Variants in CTIF observed in about 807,000 individuals in gnomAD.
CTIF encodes the protein CBP80/20-dependent translation initiation factor.
Under a neutral mutation model 66.0 loss-of-function variants are expected in CTIF, and 21 were observed. That is an observed-to-expected ratio of 0.32 (90% confidence interval 0.23 to 0.46). The LOEUF is 0.46. Ranked by LOEUF, CTIF falls within the 20% of genes least tolerant of loss-of-function variation. The pLI is 1.00. For missense variants in CTIF, 739 were observed against 812.7 expected, an observed-to-expected ratio of 0.91 and a Z score of 1.10; for synonymous variants, 345 against 326.4, an observed-to-expected ratio of 1.06 and a Z score of -0.62.
At chr18:48,579,960 G>A (rs905275882) in intron 1 of CTIF, among the ~76,000 whole-genome samples, 2 of 152,196 alleles carry the variant, frequency 1.3e-5, no homozygotes, top group Non-Finnish European at 2.9e-5. Context: ...ATTAAATGAA[G>A]GAACTACGAT....
chr18:48,758,835 C>A (rs1447955250), intron 8 of CTIF, among the ~76,000 whole-genome samples: 1 of 152,166 alleles, frequency 6.6e-6, no homozygotes, highest in Non-Finnish European at 1.5e-5. Flanking sequence ...TGAGTACCAT[C>A]CAGGCAGTGG....
At chr18:48,565,767 T>C (rs976946801) in intron 1 of CTIF, 2 of 152,228 alleles carry the variant, frequency 1.3e-5, no homozygotes, top group Non-Finnish European at 2.9e-5. Context: ...AATCTTGTTA[T>C]GTGGGGGACA....
chr18:48,550,953 T>A (rs893501587), intron 1 of CTIF, among the ~76,000 whole-genome samples: 2 of 152,138 alleles, frequency 1.3e-5, no homozygotes, highest in African/African-American at 2.4e-5. Flanking sequence ...TCTCTACATG[T>A]TTTCCTCCCT....
intron 10 of CTIF, among the ~76,000 whole-genome samples, chr18:48,829,708 G>C (rs1486354760): frequency 6.6e-6 from 1 of 152,218 alleles, no homozygotes; most frequent in African/African-American, 2.4e-5. Flanking sequence ...GCTGTCTCCT[G>C]GGGAGAGGAG....
chr18:48,758,904 GC>G (rs2145870170), intron 8 of CTIF, among the ~76,000 whole-genome samples: 1 of 152,320 alleles, frequency 6.6e-6, no homozygotes, highest in Non-Finnish European at 1.5e-5. Flanking sequence ...GCTGATTCCA[GC>G]CTTCCTGTTT....
rs2090143222 is a variant in CTIF, at chr18:48,603,529, A to ATGGATG, written c.-28-16009_-28-16008insTGGATG. On this transcript the variant is annotated intron_variant, in intron 1 of 11. Transcript: ENST00000256413. Reference sequence around the variant, plus strand: ...TGGATGGATGGATGGATGGATGGATAGATGGATGAATGTGTGGATGGATGG... The same window carrying ATGGATG: ...TGGATGGATGGATGGATGGATGGATATGGATGGATGGATGAATGTGTGGATGGATGG... Among the ~76,000 whole-genome samples the ATGGATG allele has an allele frequency of 6.1e-5, 6 of 98,114 alleles. No individual in the cohort carries two copies. The East Asian group carries it at 1.7e-3, about 27-fold the overall frequency. The allele number at this position is 98,114 out of a possible 152,430, so 64.4% of individuals were successfully genotyped here. A position where few individuals can be genotyped will look rare whatever the true frequency, so the allele number is the denominator to read the frequency against.
chr18:48,619,867 C>T, intron 2 of CTIF, 122 bp downstream of exon 2: 1 of 962,068 alleles, frequency 1.0e-6, no homozygotes, highest in Middle Eastern at 3.4e-4. Flanking sequence ...ATGGTCCCAC[C>T]CAGCAGAGCA....
At chr18:48,564,122 G>A (rs1270056685) in intron 1 of CTIF, among the ~76,000 whole-genome samples, 1 of 152,184 alleles carries the variant, frequency 6.6e-6, no homozygotes, top group African/African-American at 2.4e-5. Flanking sequence ...TTTCTGAAGT[G>A]TTCCTTCCTG....
chr18:48,616,430 A>T (rs2090401485), intron 1 of CTIF, among the ~76,000 whole-genome samples: 1 of 152,208 alleles, frequency 6.6e-6, no homozygotes, highest in Admixed American at 6.5e-5. Context: ...CTGGCGAGTC[A>T]GTATGGAATT....
chr18:48,600,592 C>T (rs1019587223), intron 1 of CTIF, among the ~76,000 whole-genome samples: 6 of 151,748 alleles, frequency 4.0e-5, no homozygotes, highest in East Asian at 3.9e-4. Flanking sequence ...GCGTTTGTTG[C>T]GCTTTGAGTC....
At chr18:48,613,240 T>C (rs2090340481) in intron 1 of CTIF, among the ~76,000 whole-genome samples, 1 of 152,192 alleles carries the variant, frequency 6.6e-6, no homozygotes, top group Non-Finnish European at 1.5e-5. Context: ...TGATTGTCTC[T>C]AGCCTGTGGG....
At chr18:48,829,746 C>A (rs887407789) in intron 10 of CTIF, among the ~76,000 whole-genome samples, 1 of 152,192 alleles carries the variant, frequency 6.6e-6, no homozygotes, top group Non-Finnish European at 1.5e-5. Context: ...CACTAAGAGC[C>A]GAGGGTGAAT....
intron 6 of CTIF, among the ~76,000 whole-genome samples, chr18:48,673,402 C>T (rs144990866): frequency 6.6e-5 from 10 of 151,814 alleles, no homozygotes; most frequent in African/African-American, 1.4e-4. Flanking sequence ...TGGTTATGCT[C>T]TTCTCGGTGT....
intron 7 of CTIF, among the ~76,000 whole-genome samples, chr18:48,735,602 C>T (rs961776718): frequency 3.3e-5 from 5 of 152,066 alleles, no homozygotes; most frequent in African/African-American, 1.2e-4. Context: ...GAGGTGAGGA[C>T]AGGGTGTTTG....
chr18:48,708,124 C>T (rs563430694), intron 6 of CTIF, among the ~76,000 whole-genome samples: 14 of 152,324 alleles, frequency 9.2e-5, no homozygotes, highest in Admixed American at 2.6e-4. Flanking sequence ...CATCAGTGGA[C>T]GGGCACTAGG....
chr18:48,859,651 C>A lies in CTIF; in HGVS notation c.*92C>A. 2.4e-6 allele frequency: 3 copies of A among 1,239,220 alleles called. No individual in the cohort carries two copies. The highest frequency in any genetic ancestry group is 1.9e-4 in the Middle Eastern group (1 of 5,270). The allele number at this position is 1,239,220 out of a possible 1,614,324, so 76.8% of individuals were successfully genotyped here. ...GGCGGGAGGACAGGGGTGGCCCTGG[C>A]GGGAGAAAGAAATGGGGAGGAGGGC... is the stretch of plus-strand genomic sequence containing the variant. On this transcript the variant is annotated 3_prime_UTR_variant, in exon 12 of 12. Transcript: ENST00000256413.
chr18:48,572,586 C>T (rs889833164), intron 1 of CTIF, among the ~76,000 whole-genome samples: 4 of 152,290 alleles, frequency 2.6e-5, no homozygotes, highest in African/African-American at 9.6e-5. Flanking sequence ...AACTCACATC[C>T]TAACCCCATG....
intron 6 of CTIF, among the ~76,000 whole-genome samples, chr18:48,680,980 C>T (rs768569268): frequency 1.4e-4 from 22 of 152,218 alleles, no homozygotes; most frequent in Admixed American, 3.3e-4. Context: ...GACAGGGCTA[C>T]GTGCTCTCCA....
intron 10 of CTIF, among the ~76,000 whole-genome samples, chr18:48,855,153 G>A (rs4419123): frequency 0.59 from 89,363 of 151,994 alleles, 28,637 homozygotes; most frequent in African/African-American, 0.85. Context: ...TGCTGCTTTC[G>A]AAGTGCCACC....
Sources: allele counts gnomAD v4.1 joint callset (sites outside exome capture counted in the v4.1 genomes callset), GRCh38; gene constraint gnomAD v4.1.1; transcripts MANE v1.5; gene names NCBI Gene and HGNC (gene_info 2026-07-23, HGNC 2026-07-21).